Variants in CELSR1 observed in about 807,000 individuals in gnomAD.
CELSR1 encodes the protein cadherin EGF LAG seven-pass G-type receptor 1, also known as adhesion G protein-coupled receptor C1.
A neutral mutation model predicts 249.1 loss-of-function variants in CELSR1; 110 were observed. That is an observed-to-expected ratio of 0.44 (90% confidence interval 0.38 to 0.52). The LOEUF (loss-of-function observed/expected upper bound fraction) is 0.52. Ranked by LOEUF, CELSR1 falls within the 20% of genes least tolerant of loss-of-function variation. The probability of loss-of-function intolerance (pLI) is 0.00; values close to 1 mark genes in which losing one functional copy is unlikely to be tolerated. For synonymous variants in CELSR1, 2,113 were observed against 1,900.0 expected (o/e 1.11, Z -2.92); for missense variants, 4,109 against 4,296.4 (o/e 0.96, Z 1.22).
chr22:46,536,680 G>A lies in CELSR1; in HGVS notation c.491C>T (p.Pro164Leu), dbSNP rs1469524107. The part of the protein sequence containing the change: ...PACRCPPRPR[P>L]RCPGRPICLP... ...GCAGATGGGACGGCCGGGACAGCGG[G>A]GCCTGGGGCGCGGCGGGCAGCGGCA... Residue 164 changes from proline (P) to leucine (L), a missense_variant, in exon 1 of 35, where the codon CCC (proline) becomes CTC (leucine). Pro to Leu is a moderately conservative substitution (Grantham distance 98). Around this residue, in one of 7 missense-constraint regions of CELSR1, gnomAD observed 673 missense variants for 636.8 expected, o/e 1.06. Coordinates refer to ENST00000674500, the MANE Select transcript of CELSR1 (RefSeq NM_001378328.1). The A allele has an allele frequency of 1.8e-5, 21 of 1,170,482 alleles. No individual in the cohort carries two copies. The highest frequency in any genetic ancestry group is 2.2e-5 in the Non-Finnish European group (21 of 950,326). The allele number at this position is 1,170,482 out of a possible 1,614,324, so 72.5% of individuals were successfully genotyped here. A position where few individuals can be genotyped will look rare whatever the true frequency, so the allele number is the denominator to read the frequency against.
intron 20 of CELSR1, 27 bp from the exon 21 acceptor site, chr22:46,382,077 T>C: frequency 6.7e-7 from 1 of 1,486,714 alleles, no homozygotes; most frequent in Non-Finnish European, 9.0e-7. Flanking sequence ...AGGTGAGGAC[T>C]CTGGCAGGAG....
At position 46,365,243 on chromosome 22, in the gene CELSR1, T is replaced by C. The variant is rs1285263611; in HGVS notation, c.8542A>G (p.Ser2848Gly). 5.0e-6 allele frequency: 8 copies of C among 1,611,908 alleles called. No homozygotes were observed. Among genetic ancestry groups the C allele is most frequent in the Middle Eastern group, 3.5e-4 (2 of 5,774 alleles). Residue 2848 changes from serine to glycine, a missense_variant, in exon 32 of 35, where the codon AGC (serine) becomes GGC (glycine). This residue lies in a region of CELSR1 where 1,805 missense variants were observed against 1,831.6 expected (regional missense o/e 0.99). Coordinates refer to ENST00000674500, the MANE Select transcript of CELSR1 (RefSeq NM_001378328.1). ...KWDPARGAVHSTPKGDAVANH... is the reference protein window; with the variant it reads ...KWDPARGAVHGTPKGDAVANH... ...CCCACACACTCACCTTTGGGGGTGCTGTGGACGGCGCCCCTGGCCGGGTCC... is the reference window on the plus strand; with the variant it reads ...CCCACACACTCACCTTTGGGGGTGCCGTGGACGGCGCCCCTGGCCGGGTCC...
Position 46,408,853 on chromosome 22 carries a change from C to G in CELSR1, c.5226+143G>C, listed in dbSNP as rs929737024. Reference sequence around the variant, plus strand: ...AAGAAAGGGCTGATATTCCCCTTCCCCCTCTTCGGAGAACCCCAGGGGCGG... The same window carrying G: ...AAGAAAGGGCTGATATTCCCCTTCCGCCTCTTCGGAGAACCCCAGGGGCGG... On this transcript the variant is annotated intron_variant, in intron 9 of 34. Transcript: ENST00000674500. This position sits in a 1 kb window ranked among gnomAD's most constrained non-coding sequence, Gnocchi z 4.6. 3 of 648,862 alleles carry G rather than the reference C, an allele frequency of 4.6e-6. No homozygotes were observed. The highest frequency in any genetic ancestry group is 7.7e-6 in the Non-Finnish European group (3 of 391,780). 40.2% of individuals were successfully genotyped at this position (648,862 alleles called of 1,614,324 possible). A position where few individuals can be genotyped will look rare whatever the true frequency, so the allele number is the denominator to read the frequency against.
chr22:46,530,632 G>A (rs1450678578), intron 1 of CELSR1: 3 of 152,148 alleles, frequency 2.0e-5, no homozygotes, highest in Non-Finnish European at 2.9e-5. Flanking sequence ...AAAACTGGCA[G>A]CTATTTGAAT....
At position 46,536,085 on chromosome 22, in the gene CELSR1, C is replaced by T. The variant is rs1469284929; in HGVS notation, c.1086G>A (p.Val362=). 4 of 1,611,812 alleles carry T rather than the reference C, an allele frequency of 2.5e-6. No individual in the cohort carries two copies. Among genetic ancestry groups the T allele is most frequent in the Middle Eastern group, 3.3e-4 (2 of 6,062 alleles). The change falls in exon 1 of 35, where the codon GTG becomes GTA. Residue 362 remains valine, a synonymous_variant. Coordinates refer to ENST00000674500, the MANE Select transcript of CELSR1 (RefSeq NM_001378328.1). Reference sequence around the variant, plus strand: ...CGTAGCCCACCTCCAGGTTCTCCCGCACGCGCTCGCGGTACTCCGACTGCT... The same window carrying T: ...CGTAGCCCACCTCCAGGTTCTCCCGTACGCGCTCGCGGTACTCCGACTGCT... The part of the protein sequence containing the change: ...VFEQSEYRER[V]RENLEVGYEV...
chr22:46,425,935 T>C (rs1410929043), intron 5 of CELSR1, among the ~76,000 whole-genome samples: 1 of 152,274 alleles, frequency 6.6e-6, no homozygotes, highest in Non-Finnish European at 1.5e-5. Context: ...TCAGCACTGC[T>C]TTAGCTGCAG....
In CELSR1 at chr22:46,433,426, C is replaced by T; in HGVS notation, c.4578G>A (p.Arg1526=). Residue 1526 remains arginine, a synonymous_variant, in exon 5 of 35, where the codon CGG becomes CGA. Coordinates refer to ENST00000674500, the MANE Select transcript of CELSR1 (RefSeq NM_001378328.1). The surrounding 1 kb of genome is among the most constrained non-coding windows in gnomAD (Gnocchi z 5.7). Reference sequence around the variant, plus strand: ...AGTACTGCACCTGCACAGAGTGCCACCGCCCGTCACTCACACCACTGGGAA... The same window carrying T: ...AGTACTGCACCTGCACAGAGTGCCATCGCCCGTCACTCACACCACTGGGAA... ...PKVPSGVSDG[R]WHSVQVQYYN... 1 of 1,613,950 alleles carries T rather than the reference C, an allele frequency of 6.2e-7. No individual in the cohort carries two copies. The highest frequency in any genetic ancestry group is 8.5e-7 in the Non-Finnish European group (1 of 1,179,918).
At chr22:46,367,681 T>C (rs7289948) in intron 28 of CELSR1, 48 bp downstream of exon 28, 96,119 of 1,561,706 alleles carry the variant, frequency 0.062, 4,071 homozygotes, top group African/African-American at 0.2. Context: ...AGCGATGGTG[T>C]CACGGCGGCC....
At chr22:46,394,324 G>A in intron 13 of CELSR1, 62 bp from the exon 14 acceptor site, 5 of 1,552,550 alleles carry the variant, frequency 3.2e-6, no homozygotes, top group Non-Finnish European at 3.5e-6. Flanking sequence ...GGAATGAGAA[G>A]AGGCCTGCAG....
rs1385859996 is a variant in CELSR1 at position 46,526,938 on chromosome 22, C to G, written c.3544+6689G>C. On this transcript the variant is annotated intron_variant, in intron 1 of 34. Coordinates refer to ENST00000674500, the MANE Select transcript of CELSR1 (RefSeq NM_001378328.1). This position sits in a 1 kb window ranked among gnomAD's most constrained non-coding sequence, Gnocchi z 4.7. The stretch of plus-strand genomic sequence containing the variant: ...CCAAAGCCGATTCCCGGTAAGGACT[C>G]TGGCTCAGGGAACGAACCTCTCTCA... Among the ~76,000 whole-genome samples, 1 of 152,208 alleles carries G rather than the reference C, an allele frequency of 6.6e-6. No individual in the cohort carries two copies. The highest frequency in any genetic ancestry group is 1.5e-5 in the Non-Finnish European group (1 of 68,036).
At chr22:46,378,560 G>C (rs1159198652) in intron 23 of CELSR1, 31 bp downstream of exon 23, 1 of 1,543,898 alleles carries the variant, frequency 6.5e-7, no homozygotes, top group Non-Finnish European at 8.8e-7. Context: ...GGTAGGCCCA[G>C]AGGGCACAGT....
intron 24 of CELSR1, among the ~76,000 whole-genome samples, chr22:46,373,449 G>A (rs1238220798): frequency 1.4e-5 from 2 of 142,416 alleles, no homozygotes; most frequent in African/African-American, 5.3e-5. Flanking sequence ...CCCAGTGCTC[G>A]GGGTTGGGGG....
rs8141362 is a variant in CELSR1, at chr22:46,477,406, C to A, written c.3545-13061G>T. Among the ~76,000 whole-genome samples the A allele has an allele frequency of 6.1e-3, 930 of 152,288 alleles. 10 individuals are homozygous for A. Among genetic ancestry groups the A allele is most frequent in the African/African-American group, 0.021 (886 of 41,550 alleles). Reference sequence around the variant, plus strand: ...GGCATTCGTTTCCTGAACAGGAATCCAAACGTCTGACCACAAGAAACCCCT... The same window carrying A: ...GGCATTCGTTTCCTGAACAGGAATCAAAACGTCTGACCACAAGAAACCCCT... On this transcript the variant is annotated intron_variant, in intron 1 of 34. Transcript: ENST00000674500.
At position 46,399,159 on chromosome 22, in the gene CELSR1, C is replaced by T. The variant is rs1452517208; in HGVS notation, c.5413-522G>A. ...CCAGGTCGCCCCTTAAGTGTGTGGGCATTTCACAGACAACATCTTGGGTTA... is the reference window on the plus strand; with the variant it reads ...CCAGGTCGCCCCTTAAGTGTGTGGGTATTTCACAGACAACATCTTGGGTTA... On this transcript the variant is annotated intron_variant, in intron 10 of 34. Transcript: ENST00000674500. This position sits in a 1 kb window ranked among gnomAD's most constrained non-coding sequence, Gnocchi z 5.0. Among the ~76,000 whole-genome samples the T allele has an allele frequency of 2.0e-5, 3 of 152,206 alleles. No individual in the cohort carries two copies. Among genetic ancestry groups the T allele is most frequent in the Non-Finnish European group, 4.4e-5 (3 of 68,038 alleles).
intron 1 of CELSR1, among the ~76,000 whole-genome samples, chr22:46,508,354 G>A (rs1824938382): frequency 6.6e-6 from 1 of 152,010 alleles, no homozygotes; most frequent in Non-Finnish European, 1.5e-5. Context: ...AGGGTGGGAT[G>A]GGAGGGGCAC....
At chr22:46,474,322 C>A (rs1026984088) in intron 1 of CELSR1, among the ~76,000 whole-genome samples, 1 of 152,120 alleles carries the variant, frequency 6.6e-6, no homozygotes, top group Non-Finnish European at 1.5e-5. Context: ...GGTTTCTCCT[C>A]TTTGGAATCC....
intron 2 of CELSR1, among the ~76,000 whole-genome samples, chr22:46,453,164 G>A (rs138699090): frequency 7.2e-5 from 11 of 152,336 alleles, no homozygotes; most frequent in Admixed American, 2.0e-4. Flanking sequence ...ATGGAAAGAC[G>A]ACCGAGGAAG....
At chr22:46,379,472 C>T (rs1394241365) in intron 22 of CELSR1, among the ~76,000 whole-genome samples, 1 of 152,220 alleles carries the variant, frequency 6.6e-6, no homozygotes, top group African/African-American at 2.4e-5. Flanking sequence ...GAGAGCAGGT[C>T]ATTAGAGCTG....
At chr22:46,505,480 A>C (rs1304368649) in intron 1 of CELSR1, among the ~76,000 whole-genome samples, 2 of 151,036 alleles carry the variant, frequency 1.3e-5, no homozygotes, top group African/African-American at 4.9e-5. Context: ...TAAACAATAC[A>C]AAAGTGAGTA....
Sources: gnomAD v4.1 joint callset for allele counts (sites outside exome capture counted in the v4.1 genomes callset) on GRCh38, gnomAD v4.1.1 for gene constraint, gnomAD v4.1.1 regional missense constraint, Gnocchi (gnomAD v3.1) non-coding constraint, MANE v1.5 for transcripts, NCBI Gene and HGNC (gene_info 2026-07-23, HGNC 2026-07-21) for gene names.